The following POLQ variants were observed in gnomAD, a reference collection of about 807,000 sequenced individuals.
The protein encoded by POLQ is epididymis secretory sperm binding protein.
Under a neutral mutation model 259.2 loss-of-function variants are expected in POLQ, and 233 were observed. That is an observed-to-expected ratio of 0.90 (90% CI 0.81 to 1.00). The LOEUF is 1.00. Among genes scored for constraint, POLQ ranks in the 50% least tolerant of loss-of-function variants. The pLI is 0.00. For missense variants in POLQ, 2,871 were observed against 3,051.6 expected (o/e 0.94, Z 1.39); for synonymous variants, 1,025 against 1,048.8 (o/e 0.98, Z 0.44).
Position 121,436,110 on chromosome 3 carries a change from C to A in POLQ, c.7543+12G>T. On this transcript the variant is annotated intron_variant, in intron 28 of 29. Coordinates refer to ENST00000264233, the MANE Select transcript of POLQ (RefSeq NM_199420.4). ...CATCATGTTACAGCACAGGCCTCAT[C>A]TATGAACAAACCTGTTTGGTCACTT... The A allele has an allele frequency of 6.2e-7, 1 of 1,607,520 alleles. No homozygotes were observed. Among genetic ancestry groups the A allele is most frequent in the Non-Finnish European group, 8.5e-7 (1 of 1,174,158 alleles).
At chr3:121,513,529 G>C (rs2048270912) in intron 9 of POLQ, among the ~76,000 whole-genome samples, 1 of 140,324 alleles carries the variant, frequency 7.1e-6, no homozygotes, top group African/African-American at 2.7e-5. Context: ...TTGAACCCAG[G>C]AGGCAGAGGT....
chr3:121,449,224 G>T, intron 26 of POLQ, 91 bp downstream of exon 26: 1 of 682,448 alleles, frequency 1.5e-6, no homozygotes, highest in South Asian at 2.0e-5. Context: ...CTGACTAATT[G>T]ATATTTCAAA....
At chr3:121,447,171 C>CT (rs71133535) in intron 26 of POLQ, among the ~76,000 whole-genome samples, 73,776 of 127,376 alleles carry the variant, frequency 0.58, 22,532 homozygotes, top group East Asian at 0.88. Context: ...TCTTATAACC[C>CT]TTTTTTTTTT....
chr3:121,458,652 A>T (rs569804285), intron 25 of POLQ, among the ~76,000 whole-genome samples: 1 of 152,354 alleles, frequency 6.6e-6, no homozygotes, highest in Non-Finnish European at 1.5e-5. Context: ...GGGATTAAAC[A>T]GACAGAGAGG....
chr3:121,460,062 C>T lies in POLQ; in HGVS notation c.7140G>A (p.Gln2380=), dbSNP rs759454983. Residue 2380 remains glutamine, a synonymous_variant, in exon 25 of 30, where the codon CAG becomes CAA. Coordinates refer to ENST00000264233, the MANE Select transcript of POLQ (RefSeq NM_199420.4). ...EPESVGDDLR[Q]QAKQICYGII... is the part of the protein sequence containing the mutation. ...TCACTAAAATCACCTGTTTTGCCTG[C>T]TGCCTCAGATCATCCCCAACAGACT... is the stretch of plus-strand genomic sequence containing the variant. The T allele has an allele frequency of 8.1e-6, 13 of 1,613,414 alleles. No homozygotes were observed. Among genetic ancestry groups the T allele is most frequent in the Non-Finnish European group, 1.1e-5 (13 of 1,179,480 alleles).
intron 22 of POLQ, among the ~76,000 whole-genome samples, chr3:121,470,946 T>C (rs2047879157): frequency 6.6e-6 from 1 of 152,176 alleles, no homozygotes; most frequent in Admixed American, 6.5e-5. Context: ...ATTACCTTGT[T>C]TTATACATGA....
At chr3:121,446,882 T>C (rs2108776809) in intron 26 of POLQ, among the ~76,000 whole-genome samples, 1 of 152,224 alleles carries the variant, frequency 6.6e-6, no homozygotes, top group African/African-American at 2.4e-5. Flanking sequence ...TGGGTCTTGT[T>C]TTTCTTTTTT....
At chr3:121,442,881 A>C (rs1026765736) in intron 26 of POLQ, among the ~76,000 whole-genome samples, 3 of 151,220 alleles carry the variant, frequency 2.0e-5, no homozygotes, top group Non-Finnish European at 4.4e-5. Flanking sequence ...TGTTTTTGAG[A>C]TGGAGTCTCA....
Position 121,481,728 on chromosome 3 carries a change from G to A in POLQ, c.6055C>T (p.Leu2019Phe), listed in dbSNP as rs1350783902. ...TGGCTGGTCTCCATCCCTTCTAGGA[G>A]TGGAAGCTCATGAGGAAGAAAACTG... ...VTSFLPHELPLLEGMETSQGI... is the reference protein window; with the variant it reads ...VTSFLPHELPFLEGMETSQGI... The change falls in exon 19 of 30, where the codon CTC (leucine) becomes TTC (phenylalanine). Residue 2019 changes from leucine to phenylalanine, a missense_variant. Coordinates refer to ENST00000264233, the MANE Select transcript of POLQ (RefSeq NM_199420.4). 1 of 1,613,854 alleles carries A rather than the reference G, an allele frequency of 6.2e-7. No individual in the cohort carries two copies. Among genetic ancestry groups the A allele is most frequent in the African/African-American group, 1.3e-5 (1 of 74,924 alleles).
chr3:121,443,016 C>T (rs1287141194), intron 26 of POLQ, among the ~76,000 whole-genome samples: 1 of 152,078 alleles, frequency 6.6e-6, no homozygotes, highest in Non-Finnish European at 1.5e-5. Flanking sequence ...CACTACCATG[C>T]CCGGCTAATT....
At chr3:121,523,607 C>G (rs1426026696) in intron 7 of POLQ, among the ~76,000 whole-genome samples, 1 of 151,888 alleles carries the variant, frequency 6.6e-6, no homozygotes, top group African/African-American at 2.4e-5. Context: ...CCCAGCTACT[C>G]GGGAGGCTGA....
chr3:121,440,287 G>A (rs2047580346), intron 26 of POLQ, among the ~76,000 whole-genome samples, 171 bp from the exon 27 acceptor site: 1 of 152,146 alleles, frequency 6.6e-6, no homozygotes, highest in Non-Finnish European at 1.5e-5. Flanking sequence ...GACTCAAAAA[G>A]TTAGAAATAA....
At chr3:121,443,079 A>T (rs1184219564) in intron 26 of POLQ, among the ~76,000 whole-genome samples, 1 of 152,074 alleles carries the variant, frequency 6.6e-6, no homozygotes, top group Non-Finnish European at 1.5e-5. Flanking sequence ...GCTGGTCTCA[A>T]ACTCCTGACC....
intron 9 of POLQ, among the ~76,000 whole-genome samples, chr3:121,514,361 CAAAAAAAAA>C (rs76640182): frequency 2.3e-5 from 2 of 85,268 alleles, no homozygotes; most frequent in Non-Finnish European, 4.9e-5. Context: ...CAACAATAAC[CAAAAAAAAA>C]AAAAAAAAAC....
rs1328115685 is a variant in POLQ, at chr3:121,465,521, G to GTT, written c.6967+1996_6967+1997dup. Among the ~76,000 whole-genome samples, 626 of 151,576 alleles carry GTT rather than the reference G, an allele frequency of 4.1e-3. 1 individual carries two copies. The highest frequency in any genetic ancestry group is 0.014 in the African/African-American group (580 of 41,366). ...TTATTATGCCTCACAGATATTGCAG[G>GTT]TTTTTTTCTTAAAGAAATTAAAGGT... On this transcript the variant is annotated intron_variant, in intron 24 of 29. Coordinates refer to ENST00000264233, the MANE Select transcript of POLQ (RefSeq NM_199420.4).
At chr3:121,520,397 A>T (rs955166353) in intron 8 of POLQ, among the ~76,000 whole-genome samples, 1 of 152,100 alleles carries the variant, frequency 6.6e-6, no homozygotes, top group Non-Finnish European at 1.5e-5. Context: ...TTAGCTGTGC[A>T]TGGTGGTGGG....
intron 24 of POLQ, among the ~76,000 whole-genome samples, chr3:121,465,074 G>GT (rs1031663114): frequency 2.0e-5 from 3 of 148,992 alleles, no homozygotes; most frequent in Admixed American, 6.7e-5. Context: ...TACTGGAAAT[G>GT]TTTTTTTTCT....
intron 29 of POLQ, 24 bp downstream of exon 29, chr3:121,432,894 T>A (rs983399753): frequency 7.9e-7 from 1 of 1,269,564 alleles, no homozygotes; most frequent in Admixed American, 1.7e-5. Context: ...TCCTATGGAA[T>A]GGACACAAGC....
chr3:121,533,224 A>G lies in POLQ; in HGVS notation c.741-15T>C. The G allele has an allele frequency of 1.3e-6, 2 of 1,511,932 alleles. No homozygotes were observed. Among genetic ancestry groups the G allele is most frequent in the South Asian group, 2.5e-5 (2 of 81,508 alleles). The allele number at this position is 1,511,932 out of a possible 1,614,324, so 93.7% of individuals were successfully genotyped here. On this transcript the variant is annotated splice_polypyrimidine_tract_variant and intron_variant, in intron 5 of 29. Transcript: ENST00000264233. ...GATCTGCCTGACTGTAAAAAAACAA[A>G]TGAAAAGAACATTAAAAGATATATA...
Sources: allele counts gnomAD v4.1 joint callset (sites outside exome capture counted in the v4.1 genomes callset), GRCh38; gene constraint gnomAD v4.1.1; transcripts MANE v1.5; gene names NCBI Gene and HGNC (gene_info 2026-07-23, HGNC 2026-07-21).